The following RAP1A variants were observed in gnomAD, a reference collection of about 807,000 sequenced individuals.
The protein encoded by RAP1A is ras-related protein Rap-1A.
A neutral mutation model predicts 26.4 loss-of-function variants in RAP1A; 6 were observed. The observed-to-expected ratio is 0.23, with a 90% confidence interval of 0.12 to 0.45. The LOEUF is 0.45. RAP1A is among the 20% of genes least tolerant of loss of function. RAP1A has a pLI of 0.99. For missense variants in RAP1A, 121 were observed against 217.2 expected, an observed-to-expected ratio of 0.56 and a Z score of 2.78; for synonymous variants, 73 against 79.4, an observed-to-expected ratio of 0.92 and a Z score of 0.43.
chr1:111,577,130 C>T (rs958734560), intron 1 of RAP1A, among the ~76,000 whole-genome samples: 28 of 151,954 alleles, frequency 1.8e-4, no homozygotes, highest in Non-Finnish European at 1.0e-4. Context: ...TGCTGAGGTG[C>T]GGTGGCTCAC....
intron 1 of RAP1A, among the ~76,000 whole-genome samples, chr1:111,641,877 T>A (rs2182016): frequency 0.72 from 109,196 of 152,068 alleles, 39,595 homozygotes; most frequent in African/African-American, 0.81. Context: ...TGCCAGAGTT[T>A]TAATCCTGGC....
At chr1:111,696,778 C>A (rs1478943631) in intron 3 of RAP1A, among the ~76,000 whole-genome samples, 1 of 152,152 alleles carries the variant, frequency 6.6e-6, no homozygotes, top group East Asian at 1.9e-4. Flanking sequence ...TTAGACCAAC[C>A]TTCTTTTCTT....
intron 1 of RAP1A, among the ~76,000 whole-genome samples, chr1:111,614,129 G>A (rs540204384): frequency 6.6e-6 from 1 of 152,306 alleles, no homozygotes; most frequent in South Asian, 2.1e-4. Context: ...GTACCAGTTT[G>A]AGGCCTTGCT....
chr1:111,611,461 A>T (rs1658925534), intron 1 of RAP1A, among the ~76,000 whole-genome samples: 1 of 152,242 alleles, frequency 6.6e-6, no homozygotes, highest in Non-Finnish European at 1.5e-5. Flanking sequence ...AGATTTTTTT[A>T]AAGTTACTTG....
chr1:111,624,007 G>T (rs1659311323), intron 1 of RAP1A, among the ~76,000 whole-genome samples: 1 of 152,122 alleles, frequency 6.6e-6, no homozygotes, highest in South Asian at 2.1e-4. Flanking sequence ...ATTTTAGTTG[G>T]TCAATGAAAA....
chr1:111,668,514 G>A (rs1013015197), intron 1 of RAP1A, among the ~76,000 whole-genome samples: 1 of 152,140 alleles, frequency 6.6e-6, no homozygotes, highest in African/African-American at 2.4e-5. Flanking sequence ...CTAAAGTAGG[G>A]TTTATTATTA....
chr1:111,562,350 G>A (rs536674134), intron 1 of RAP1A, among the ~76,000 whole-genome samples: 37 of 152,086 alleles, frequency 2.4e-4, no homozygotes, highest in African/African-American at 8.4e-4. Context: ...CCTTATCTTT[G>A]ACCCCTAGAA....
chr1:111,648,504 G>A (rs1660149131), intron 1 of RAP1A: 4 of 558,900 alleles, frequency 7.2e-6, no homozygotes, highest in Non-Finnish European at 1.3e-5. Context: ...TCACTCCTGG[G>A]CCTGGCGTTG....
At chr1:111,640,953 C>T (rs1193817540) in intron 1 of RAP1A, among the ~76,000 whole-genome samples, 1 of 151,922 alleles carries the variant, frequency 6.6e-6, no homozygotes, top group Non-Finnish European at 1.5e-5. Flanking sequence ...GACAGTGAGA[C>T]CCTGTCTCAA....
intron 1 of RAP1A, chr1:111,686,752 G>A (rs1193276045): frequency 6.8e-6 from 1 of 147,386 alleles, no homozygotes; most frequent in South Asian, 2.1e-4. Flanking sequence ...AAAAGTTTGA[G>A]AACTGGACTA....
chr1:111,553,501 A>G (rs952545977), intron 1 of RAP1A, among the ~76,000 whole-genome samples: 1 of 152,244 alleles, frequency 6.6e-6, no homozygotes, highest in Non-Finnish European at 1.5e-5. Context: ...TTACATGCAG[A>G]GTAAAATCTC....
At chr1:111,660,851 G>A (rs868639257) in intron 1 of RAP1A, among the ~76,000 whole-genome samples, 1 of 151,942 alleles carries the variant, frequency 6.6e-6, no homozygotes, top group African/African-American at 2.4e-5. Context: ...GTTCCTTATC[G>A]AAGTCACCAG....
At chr1:111,639,902 G>T (rs1035175330) in intron 1 of RAP1A, among the ~76,000 whole-genome samples, 1 of 152,186 alleles carries the variant, frequency 6.6e-6, no homozygotes, top group Non-Finnish European at 1.5e-5. Flanking sequence ...TATGCTTTTT[G>T]CATGGTGTGT....
At chr1:111,619,654 G>C, upstream of RAP1A, 1 of 390,840 alleles carries the variant, frequency 2.6e-6, no homozygotes, top group Non-Finnish European at 4.5e-6. Context: ...AGTGTGCGCG[G>C]CTCCTTTAAG....
intron 1 of RAP1A, among the ~76,000 whole-genome samples, chr1:111,572,885 C>T (rs1340049227): frequency 6.6e-6 from 1 of 152,090 alleles, no homozygotes; most frequent in East Asian, 1.9e-4. Flanking sequence ...TTTTTCTGCT[C>T]CTCTCCCTCT....
At chr1:111,569,695 A>G (rs539085461) in intron 1 of RAP1A, among the ~76,000 whole-genome samples, 1 of 152,206 alleles carries the variant, frequency 6.6e-6, no homozygotes, top group East Asian at 1.9e-4. Flanking sequence ...CAAGGCCCAC[A>G]TAAAGGAATC....
In RAP1A at chr1:111,605,069, G is replaced by A. The variant is rs115932495; in HGVS notation, c.-28+62560G>A. Among the ~76,000 whole-genome samples the A allele has an allele frequency of 9.6e-3, 1,466 of 152,292 alleles. 18 individuals are homozygous for A. Among genetic ancestry groups the A allele is most frequent in the African/African-American group, 0.034 (1,397 of 41,554 alleles). ...GACTGAAGTGGTTTCCAAGATTCAG[G>A]ATTTGCCTAGTAGTTGTAAGAGGTA... On this transcript the variant is annotated intron_variant, in intron 1 of 7. Transcript: ENST00000356415.
intron 1 of RAP1A, among the ~76,000 whole-genome samples, chr1:111,594,586 A>G (rs201371802): frequency 4.9e-4 from 64 of 131,952 alleles, no homozygotes; most frequent in Middle Eastern, 3.6e-3. Context: ...GGAAGGAAGG[A>G]AGGGAGGGAG....
At chr1:111,648,333 C>A in intron 1 of RAP1A, 1 of 784,128 alleles carries the variant, frequency 1.3e-6, no homozygotes, top group South Asian at 1.4e-5. Flanking sequence ...ACCACTTTGC[C>A]ATCCACTATC....
Sources: gnomAD v4.1 joint callset for allele counts (sites outside exome capture counted in the v4.1 genomes callset) on GRCh38, gnomAD v4.1.1 for gene constraint, MANE v1.5 for transcripts, NCBI Gene and HGNC (gene_info 2026-07-23, HGNC 2026-07-21) for gene names.